The following DPP6 variants were observed in gnomAD, a reference collection of about 807,000 sequenced individuals.
DPP6 encodes dipeptidyl peptidase like 6.
Under a neutral mutation model 122.6 loss-of-function variants are expected in DPP6, and 69 were observed. That is an observed-to-expected ratio of 0.56 (90% CI 0.46 to 0.69). DPP6 has a LOEUF of 0.69. DPP6 is among the 30% of genes least tolerant of loss of function. DPP6 has a pLI of 0.00. For missense variants in DPP6, 928 were observed against 1,116.9 expected (o/e 0.83, Z 2.41); for synonymous variants, 418 against 433.1 (o/e 0.97, Z 0.43).
At chr7:154,064,264 C>T (rs530085577) in intron 1 of DPP6, among the ~76,000 whole-genome samples, 36 of 152,160 alleles carry the variant, frequency 2.4e-4, no homozygotes, top group Non-Finnish European at 3.8e-4. Context: ...ACTGGCCCGT[C>T]CTGCCATCTG....
chr7:153,803,827 A>G, the DPP6 span, among the ~76,000 whole-genome samples: 21 of 150,092 alleles, frequency 1.4e-4, no homozygotes, highest in South Asian at 2.1e-4. Flanking sequence ...AAACAGATAA[A>G]TGTGTATGTG....
At chr7:154,067,880 C>G (rs1012459750) in intron 1 of DPP6, among the ~76,000 whole-genome samples, 8 of 151,488 alleles carry the variant, frequency 5.3e-5, no homozygotes, top group Non-Finnish European at 1.2e-4. Flanking sequence ...AAGTGCATGC[C>G]ACCACACCCA....
chr7:154,730,787 G>C (rs951512183), intron 8 of DPP6, among the ~76,000 whole-genome samples: 3 of 152,156 alleles, frequency 2.0e-5, no homozygotes, highest in Admixed American at 2.0e-4. Flanking sequence ...GGCATTCTCT[G>C]GGACTAATCT....
chr7:153,997,616 C>CACACACACACACACACA (rs1563086677), intron 1 of DPP6, among the ~76,000 whole-genome samples: 2 of 149,350 alleles, frequency 1.3e-5, no homozygotes, highest in Admixed American at 6.7e-5. Flanking sequence ...CACACACACA[C>CACACACACACACACACA]CTGTTTTGTA....
chr7:154,391,764 A>G (rs536527476), intron 1 of DPP6, among the ~76,000 whole-genome samples: 15 of 152,318 alleles, frequency 9.8e-5, no homozygotes, highest in African/African-American at 3.4e-4. Context: ...TGATGAAGGC[A>G]GGATAGTGAC....
intron 20 of DPP6, among the ~76,000 whole-genome samples, chr7:154,878,669 G>A (rs991757855): frequency 2.6e-5 from 4 of 152,264 alleles, no homozygotes; most frequent in East Asian, 3.9e-4. Flanking sequence ...AGCCTCCCAC[G>A]AGCAGCTGAG....
chr7:154,174,874 C>CTT lies in DPP6; in HGVS notation c.243+121813_243+121814dup, dbSNP rs147664898. Among the ~76,000 whole-genome samples, 165 of 142,594 alleles carry CTT rather than the reference C, an allele frequency of 1.2e-3. 2 individuals are homozygous for CTT. Among genetic ancestry groups the CTT allele is most frequent in the Admixed American group, 1.7e-3 (24 of 14,324 alleles). 93.5% of individuals were successfully genotyped at this position (142,594 alleles called of 152,430 possible). A position where few individuals can be genotyped will look rare whatever the true frequency, so the allele number is the denominator to read the frequency against. On this transcript the variant is annotated intron_variant, in intron 1 of 25. Coordinates refer to ENST00000377770, the MANE Select transcript of DPP6 (RefSeq NM_130797.4). ...TCTTCACAGCCCAATTTCTTTCTTT[C>CTT]TTTCTTTTTTTTTTTGTTTTGAGAT...
At chr7:154,098,480 T>C (rs1354825540) in intron 1 of DPP6, among the ~76,000 whole-genome samples, 1 of 152,188 alleles carries the variant, frequency 6.6e-6, no homozygotes, top group Admixed American at 6.5e-5. Context: ...ATTTAATTAA[T>C]AAAGTGAGAC....
At chr7:153,939,750 G>A (rs945976627) in intron 1 of DPP6, among the ~76,000 whole-genome samples, 2 of 152,162 alleles carry the variant, frequency 1.3e-5, no homozygotes, top group East Asian at 1.9e-4. Flanking sequence ...GCAAATAATT[G>A]CACAGACTTT....
chr7:154,359,251 GC>G (rs1463004523), intron 1 of DPP6, among the ~76,000 whole-genome samples: 5 of 152,182 alleles, frequency 3.3e-5, no homozygotes, highest in Non-Finnish European at 7.3e-5. Flanking sequence ...GTCATGTGAA[GC>G]CTTAACAAGG....
At chr7:154,259,079 C>T (rs28565315) in intron 1 of DPP6, among the ~76,000 whole-genome samples, 11,179 of 152,164 alleles carry the variant, frequency 0.073, 533 homozygotes, top group African/African-American at 0.13. Context: ...GCCTGTCACA[C>T]GCGGAGAACC....
the DPP6 span, among the ~76,000 whole-genome samples, chr7:153,822,403 C>G: frequency 6.6e-6 from 1 of 151,988 alleles, no homozygotes. Flanking sequence ...GTTAACCAGA[C>G]TAGTCTCGAA....
chr7:153,789,363 A>C, the DPP6 span, among the ~76,000 whole-genome samples: 1 of 152,216 alleles, frequency 6.6e-6, no homozygotes, highest in African/African-American at 2.4e-5. Flanking sequence ...TCAAGAATCA[A>C]TGTAATTGTC....
At position 154,407,474 on chromosome 7, in the gene DPP6, T is replaced by C. The variant is rs943026730; in HGVS notation, c.244-38740T>C. On this transcript the variant is annotated intron_variant, in intron 1 of 25. Coordinates refer to ENST00000377770, the MANE Select transcript of DPP6 (RefSeq NM_130797.4). ...GTTATAGTGTTTTCTTTGATGCCTT[T>C]AATGTAGATGTAGATTTTCGCTACA... 2.0e-5 allele frequency among the ~76,000 whole-genome samples: 3 copies of C among 152,220 alleles called. No individual in the cohort carries two copies. In the East Asian group the frequency reaches 5.8e-4, roughly 29 times the overall value.
chr7:154,360,668 C>T (rs1444350815), intron 1 of DPP6, among the ~76,000 whole-genome samples: 8 of 152,122 alleles, frequency 5.3e-5, no homozygotes, highest in African/African-American at 1.7e-4. Flanking sequence ...GTTAGAAAGG[C>T]GTAACAATGA....
At chr7:153,777,852 C>T in the DPP6 span, among the ~76,000 whole-genome samples, 2 of 144,596 alleles carry the variant, frequency 1.4e-5, no homozygotes, top group African/African-American at 2.9e-5. Flanking sequence ...TCAAAATATA[C>T]GAAATTGTAC....
intron 1 of DPP6, among the ~76,000 whole-genome samples, chr7:154,002,679 T>C (rs564269214): frequency 6.6e-6 from 1 of 152,228 alleles, no homozygotes; most frequent in South Asian, 2.1e-4. Flanking sequence ...GGGAGGATCC[T>C]GAGGATGCTG....
chr7:153,962,093 G>A (rs1250169412), intron 1 of DPP6, among the ~76,000 whole-genome samples: 1 of 151,052 alleles, frequency 6.6e-6, no homozygotes, highest in African/African-American at 2.5e-5. Flanking sequence ...GGGAAAGGCT[G>A]TCTTGTTCTG....
At chr7:153,907,287 C>G (rs1799890897) in intron 1 of DPP6, among the ~76,000 whole-genome samples, 1 of 152,014 alleles carries the variant, frequency 6.6e-6, no homozygotes, top group South Asian at 2.1e-4. Flanking sequence ...TGTTTGTTGG[C>G]CAAGAGCTAA....
Sources: allele counts gnomAD v4.1 joint callset (sites outside exome capture counted in the v4.1 genomes callset), GRCh38; gene constraint gnomAD v4.1.1; transcripts MANE v1.5; gene names NCBI Gene and HGNC (gene_info 2026-07-23, HGNC 2026-07-21).